MIPOL1: variants seen among roughly 807,000 people sequenced by gnomAD.
MIPOL1 encodes mirror-image polydactyly gene 1 protein.
Under a neutral mutation model 60.9 loss-of-function variants are expected in MIPOL1, and 57 were observed. That is an observed-to-expected ratio of 0.94 (90% CI 0.76 to 1.17). MIPOL1 has a LOEUF of 1.17. MIPOL1 is among the 50% of genes most tolerant of loss of function. The pLI, the probability that MIPOL1 is intolerant of heterozygous loss-of-function variation, is 0.00. For missense variants in MIPOL1, 551 were observed against 511.6 expected, an observed-to-expected ratio of 1.08 and a Z score of -0.74; for synonymous variants, 179 against 168.8, an observed-to-expected ratio of 1.06 and a Z score of -0.47.
At chr14:37,454,514 TTAAG>T (rs2094455986) in intron 11 of MIPOL1, among the ~76,000 whole-genome samples, 1 of 152,206 alleles carries the variant, frequency 6.6e-6, no homozygotes, top group Non-Finnish European at 1.5e-5. Flanking sequence ...TAAAATTCAG[TTAAG>T]TAATTTCCCC....
At chr14:37,283,854 A>G (rs1015357722) in intron 6 of MIPOL1, among the ~76,000 whole-genome samples, 2 of 152,234 alleles carry the variant, frequency 1.3e-5, no homozygotes, top group Non-Finnish European at 2.9e-5. Context: ...AATCACAGTT[A>G]AAACTCATAT....
chr14:37,546,681 A>T (rs1181865106), intron 12 of MIPOL1, among the ~76,000 whole-genome samples: 1 of 152,302 alleles, frequency 6.6e-6, no homozygotes, highest in East Asian at 1.9e-4. Flanking sequence ...TCTAATGCTG[A>T]CATAATTCAA....
At chr14:37,425,533 A>G (rs1482286376) in intron 11 of MIPOL1, among the ~76,000 whole-genome samples, 2 of 152,196 alleles carry the variant, frequency 1.3e-5, no homozygotes, top group Non-Finnish European at 2.9e-5. Context: ...ATTTGCAATT[A>G]GACAGCCATG....
At chr14:37,286,110 T>G (rs2084541985) in intron 7 of MIPOL1, among the ~76,000 whole-genome samples, 2 of 152,216 alleles carry the variant, frequency 1.3e-5, no homozygotes, top group African/African-American at 4.8e-5. Context: ...TCTGAGTCTT[T>G]CACTGCTCTC....
chr14:37,349,475 T>C (rs561874515), intron 9 of MIPOL1, among the ~76,000 whole-genome samples: 1 of 152,318 alleles, frequency 6.6e-6, no homozygotes, highest in South Asian at 2.1e-4. Flanking sequence ...GCTTACTTCA[T>C]TCATTCCTGC....
intron 11 of MIPOL1, among the ~76,000 whole-genome samples, chr14:37,426,662 T>C (rs1299408101): frequency 4.8e-5 from 7 of 144,880 alleles, no homozygotes; most frequent in East Asian, 2.0e-4. Flanking sequence ...TATATATATA[T>C]GCACACAAGT....
At chr14:37,342,807 A>G (rs577505553) in intron 9 of MIPOL1, among the ~76,000 whole-genome samples, 2 of 152,290 alleles carry the variant, frequency 1.3e-5, no homozygotes, top group Non-Finnish European at 2.9e-5. Flanking sequence ...AAATAGCTAT[A>G]CATCTTGGTA....
chr14:37,320,306 C>G (rs1054033031), intron 9 of MIPOL1, among the ~76,000 whole-genome samples: 7 of 152,182 alleles, frequency 4.6e-5, no homozygotes, highest in Non-Finnish European at 7.4e-5. Flanking sequence ...AGAGTTAATA[C>G]TTGGTATCAT....
chr14:37,216,062 CAAAAAA>C (rs71449980), intron 1 of MIPOL1, among the ~76,000 whole-genome samples: 2 of 85,836 alleles, frequency 2.3e-5, no homozygotes, highest in Admixed American at 2.6e-4. Flanking sequence ...ACCTCCATCT[CAAAAAA>C]AAAAAAAAAA....
chr14:37,383,179 C>T (rs987859), intron 10 of MIPOL1, among the ~76,000 whole-genome samples: 147,122 of 151,882 alleles, frequency 0.97, 71,331 homozygotes, highest in East Asian at 1. Flanking sequence ...AATCATGCAA[C>T]ATAGTTTTAC....
intron 3 of MIPOL1, among the ~76,000 whole-genome samples, chr14:37,264,533 T>C (rs1446737864): frequency 6.6e-6 from 1 of 151,312 alleles, no homozygotes; most frequent in African/African-American, 2.4e-5. Context: ...GGGGCTGAGT[T>C]GGGAAAATTG....
intron 11 of MIPOL1, among the ~76,000 whole-genome samples, chr14:37,483,317 G>A (rs1003326064): frequency 1.3e-5 from 2 of 151,888 alleles, no homozygotes; most frequent in Admixed American, 6.6e-5. Context: ...GTCTTGCCAC[G>A]TTGACCAGAC....
chr14:37,277,573 T>A (rs988887319), intron 6 of MIPOL1: 5 of 151,300 alleles, frequency 3.3e-5, no homozygotes, highest in Admixed American at 2.0e-4. Flanking sequence ...GAGGGTTTTT[T>A]AAAAAATGCT....
intron 11 of MIPOL1, among the ~76,000 whole-genome samples, chr14:37,494,941 A>T (rs546758515): frequency 2.0e-5 from 3 of 152,000 alleles, no homozygotes; most frequent in Non-Finnish European, 4.4e-5. Flanking sequence ...CAATCCAAAC[A>T]TGTCCATCTG....
intron 12 of MIPOL1, among the ~76,000 whole-genome samples, chr14:37,515,282 T>C (rs1271204266): frequency 6.9e-6 from 1 of 145,092 alleles, no homozygotes; most frequent in Admixed American, 7.0e-5. Flanking sequence ...CTTCTTAACC[T>C]AAATATAATG....
intron 9 of MIPOL1, among the ~76,000 whole-genome samples, chr14:37,326,412 G>GC (rs1567479038): frequency 6.6e-6 from 1 of 151,404 alleles, no homozygotes; most frequent in East Asian, 1.9e-4. Context: ...TTCACAGACA[G>GC]TTTTTTTTTG....
intron 12 of MIPOL1, among the ~76,000 whole-genome samples, chr14:37,536,792 A>G (rs2095508165): frequency 6.6e-6 from 1 of 152,192 alleles, no homozygotes; most frequent in Admixed American, 6.5e-5. Context: ...TGACTATTTG[A>G]TATCAGGTGT....
intron 11 of MIPOL1, among the ~76,000 whole-genome samples, chr14:37,497,033 G>A (rs551214422): frequency 9.3e-5 from 14 of 151,332 alleles, no homozygotes; most frequent in Admixed American, 2.6e-4. Flanking sequence ...GAGAAAAACA[G>A]GCAATGGGGA....
intron 6 of MIPOL1, among the ~76,000 whole-genome samples, chr14:37,275,867 A>G (rs1408756792): frequency 4.6e-5 from 7 of 151,160 alleles, no homozygotes; most frequent in African/African-American, 1.7e-4. Context: ...TGGAGAGATT[A>G]TGAATGACAG....
Sources: gnomAD v4.1 joint callset for allele counts (sites outside exome capture counted in the v4.1 genomes callset) on GRCh38, gnomAD v4.1.1 for gene constraint, MANE v1.5 for transcripts, NCBI Gene and HGNC (gene_info 2026-07-23, HGNC 2026-07-21) for gene names.